The following AOPEP variants were observed in gnomAD, a reference collection of about 807,000 sequenced individuals.
The protein encoded by AOPEP is aminopeptidase O (putative), also known as aminopeptidase O.
Under a neutral mutation model 98.1 loss-of-function variants are expected in AOPEP, and 77 were observed. The ratio of observed to expected loss-of-function variants is 0.78; its 90% CI spans 0.65 to 0.95. AOPEP has a LOEUF of 0.95. Ranked by LOEUF, AOPEP falls within the 40% of genes least tolerant of loss-of-function variation. The probability of loss-of-function intolerance (pLI) is 0.00; values close to 1 mark genes in which losing one functional copy is unlikely to be tolerated. For synonymous variants in AOPEP, 346 were observed against 365.3 expected, an observed-to-expected ratio of 0.95 and a Z score of 0.60; for missense variants, 1,024 against 1,024.7, an observed-to-expected ratio of 1.00 and a Z score of 0.01.
At position 94,800,921 on chromosome 9, in the gene AOPEP, AT is replaced by A. The variant is rs760991043; in HGVS notation, c.1285del (p.Ser429LeufsTer38). On this transcript the variant is annotated frameshift_variant, in exon 5 of 17. Transcript: ENST00000375315. LOFTEE classifies it high-confidence loss of function. ...RLIPPCLSAA[H>X]SVLGAHPFSR... ...ATCCCTCCTTGCCTCTCAGCAGCAC[AT>A]TCTGTTCTGGGAGCACACCCGTTCT... is the stretch of plus-strand genomic sequence containing the variant. 2 of 1,614,024 alleles carry A rather than the reference AT, an allele frequency of 1.2e-6. No homozygotes were observed. Among genetic ancestry groups the A allele is most frequent in the Non-Finnish European group, 1.7e-6 (2 of 1,180,018 alleles).
At chr9:94,947,137 C>T (rs1337436708) in intron 7 of AOPEP, among the ~76,000 whole-genome samples, 10 of 150,884 alleles carry the variant, frequency 6.6e-5, no homozygotes, top group African/African-American at 2.2e-4. Context: ...CCACCACGCC[C>T]GGCTAATTTT....
chr9:94,814,767 G>A (rs944176974), intron 5 of AOPEP, among the ~76,000 whole-genome samples: 2 of 152,174 alleles, frequency 1.3e-5, no homozygotes, highest in Non-Finnish European at 2.9e-5. Context: ...TTGGTCTCCC[G>A]GTATTCGGGT....
chr9:94,814,527 A>G (rs1822067060), intron 5 of AOPEP, among the ~76,000 whole-genome samples: 1 of 152,188 alleles, frequency 6.6e-6, no homozygotes, highest in Non-Finnish European at 1.5e-5. Context: ...TGTCATCCAC[A>G]TATTGGAGAA....
the AOPEP span, among the ~76,000 whole-genome samples, chr9:95,129,369 A>T: frequency 6.6e-6 from 1 of 152,188 alleles, no homozygotes; most frequent in Admixed American, 6.5e-5. Flanking sequence ...TATCAAGATA[A>T]TCTTCCAAAT....
At chr9:95,021,880 A>C (rs953529792) in intron 13 of AOPEP, 7 of 152,258 alleles carry the variant, frequency 4.6e-5, no homozygotes, top group Non-Finnish European at 7.3e-5. Flanking sequence ...AGGTGGAGCA[A>C]GTAAACCGGC....
chr9:94,923,930 G>A (rs1218697400), intron 5 of AOPEP, 56 bp from the exon 6 acceptor site: 3 of 1,231,064 alleles, frequency 2.4e-6, no homozygotes, highest in South Asian at 2.4e-5. Flanking sequence ...CCATCGGATG[G>A]CCATGAGGAC....
chr9:94,793,546 G>A (rs1488817505), intron 4 of AOPEP, among the ~76,000 whole-genome samples: 3 of 149,854 alleles, frequency 2.0e-5, no homozygotes, highest in African/African-American at 4.9e-5. Context: ...GCATGGTGGC[G>A]GATGCCTGTA....
chr9:94,957,855 T>G (rs1448661219), intron 9 of AOPEP, among the ~76,000 whole-genome samples: 2 of 152,070 alleles, frequency 1.3e-5, no homozygotes, highest in Non-Finnish European at 2.9e-5. Context: ...AAGGTTCATA[T>G]AGCATGTATC....
intron 11 of AOPEP, among the ~76,000 whole-genome samples, chr9:94,990,615 A>AT (rs1434686180): frequency 1.3e-4 from 8 of 59,790 alleles, no homozygotes; most frequent in South Asian, 4.5e-4. Context: ...ATTTAATTTA[A>AT]TTAATTAATT....
the AOPEP span, chr9:95,127,513 T>G: frequency 6.6e-6 from 1 of 152,116 alleles, no homozygotes; most frequent in African/African-American, 2.4e-5. Flanking sequence ...TCTGGTTCCG[T>G]GGGAAGCGAA....
At chr9:94,878,360 G>A (rs1459011156) in intron 5 of AOPEP, among the ~76,000 whole-genome samples, 2 of 150,694 alleles carry the variant, frequency 1.3e-5, no homozygotes, top group African/African-American at 2.5e-5. Context: ...GTGAGATGTG[G>A]ACCCAAGGTT....
rs1198876807 is a variant in AOPEP at position 95,062,550 on chromosome 9, TG to T, written c.2232+1741del. Among the ~76,000 whole-genome samples the T allele has an allele frequency of 2.0e-5, 3 of 152,370 alleles. No homozygotes were observed. The South Asian group carries it at 6.2e-4, about 32-fold the overall frequency. ...TAGCTCCTGGGCTGCCATCCCGGTC[TG>T]TCCCTCCCTCTTTTCATGTGGATGG... is the stretch of plus-strand genomic sequence containing the variant. On this transcript the variant is annotated intron_variant, in intron 14 of 16. Coordinates refer to ENST00000375315, the MANE Select transcript of AOPEP (RefSeq NM_001193329.3).
At chr9:95,128,105 G>C in the AOPEP span, among the ~76,000 whole-genome samples, 4 of 152,148 alleles carry the variant, frequency 2.6e-5, no homozygotes, top group Non-Finnish European at 5.9e-5. Context: ...TCGTGGCTTC[G>C]AACTTAGGCA....
chr9:95,078,882 CA>C (rs574157652), intron 14 of AOPEP, among the ~76,000 whole-genome samples: 4 of 152,252 alleles, frequency 2.6e-5, no homozygotes, highest in Non-Finnish European at 4.4e-5. Flanking sequence ...CTTCCTCTGG[CA>C]TGGGATGGTG....
the AOPEP span, chr9:95,111,710 A>G: frequency 6.4e-7 from 1 of 1,560,094 alleles, no homozygotes; most frequent in Admixed American, 1.7e-5. Context: ...AAGCAACTTT[A>G]ACGTTTGCCA....
chr9:94,801,531 A>T (rs1473121691), intron 5 of AOPEP, among the ~76,000 whole-genome samples: 1 of 152,228 alleles, frequency 6.6e-6, no homozygotes, highest in East Asian at 1.9e-4. Flanking sequence ...CTACTGCTAG[A>T]AAAACAGCTC....
intron 10 of AOPEP, among the ~76,000 whole-genome samples, chr9:94,975,764 T>A (rs561331350): frequency 6.6e-6 from 1 of 152,278 alleles, no homozygotes; most frequent in African/African-American, 2.4e-5. Context: ...TTGACTCAGT[T>A]CTCTGCCGTG....
At position 94,810,498 on chromosome 9, in the gene AOPEP, A is replaced by G. The variant is rs370586164; in HGVS notation, c.1364+9496A>G. Among the ~76,000 whole-genome samples, 13 of 152,076 alleles carry G rather than the reference A, an allele frequency of 8.5e-5. No homozygotes were observed. In the East Asian group the frequency reaches 2.5e-3, roughly 30 times the overall value. On this transcript the variant is annotated intron_variant, in intron 5 of 16. Transcript: ENST00000375315. ...CCTGGCTCGTTTTTGTATTTTTAAT[A>G]GAGATGAGGTTTCACCATGTTGGCC...
chr9:95,094,501 G>A, the AOPEP span, among the ~76,000 whole-genome samples: 1 of 152,100 alleles, frequency 6.6e-6, no homozygotes, highest in African/African-American at 2.4e-5. Flanking sequence ...CCTCCCCCAG[G>A]TCCCTGGGAA....
Sources: gnomAD v4.1 joint callset for allele counts (sites outside exome capture counted in the v4.1 genomes callset) on GRCh38, gnomAD v4.1.1 for gene constraint, MANE v1.5 for transcripts, NCBI Gene and HGNC (gene_info 2026-07-23, HGNC 2026-07-21) for gene names.